The following ANKRD36C variants were observed in gnomAD, a reference collection of about 807,000 sequenced individuals.
ANKRD36C encodes the protein ankyrin repeat domain 36C.
In ANKRD36C, 61 loss-of-function variants were observed where a neutral mutation model predicts 276.4. That is an observed-to-expected ratio of 0.22 (90% CI 0.18 to 0.27). The LOEUF (loss-of-function observed/expected upper bound fraction) is 0.27, where lower values mean the gene tolerates loss of function less well. ANKRD36C is among the 10% of genes least tolerant of loss of function. ANKRD36C has a pLI of 1.00. For synonymous variants in ANKRD36C, 483 were observed against 680.1 expected (o/e 0.71, Z 4.51); for missense variants, 1,447 against 2,032.3 (o/e 0.71, Z 5.54).
chr2:95,873,696 G>A lies in ANKRD36C; in HGVS notation c.3540+2743C>T, dbSNP rs538897717. Among the ~76,000 whole-genome samples the A allele has an allele frequency of 6.6e-5, 10 of 152,336 alleles. No homozygotes were observed. In the East Asian group the frequency reaches 1.7e-3, roughly 26 times the overall value. On this transcript the variant is annotated intron_variant, in intron 59 of 66. Coordinates refer to ENST00000456556, the Ensembl canonical transcript of ANKRD36C. The stretch of plus-strand genomic sequence containing the variant: ...TGGCCAGGGCCATTAGGCAGGAGAA[G>A]GAAATAAAGGGTATTCAATTAGGAA...
chr2:95,868,383 C>T (rs975960867), intron 59 of ANKRD36C, among the ~76,000 whole-genome samples: 4 of 151,542 alleles, frequency 2.6e-5, no homozygotes, highest in South Asian at 2.1e-4. Flanking sequence ...GGCATATGTC[C>T]GATGTTTAAT....
At chr2:95,861,304 T>C (rs1675574124) in intron 60 of ANKRD36C, among the ~76,000 whole-genome samples, 1 of 150,982 alleles carries the variant, frequency 6.6e-6, no homozygotes, top group Non-Finnish European at 1.5e-5. Context: ...AAAGGAAAAA[T>C]TCCTAAATTT....
At chr2:95,986,469 A>T (rs1304638718) in intron 3 of ANKRD36C, among the ~76,000 whole-genome samples, 1 of 152,232 alleles carries the variant, frequency 6.6e-6, no homozygotes, top group Admixed American at 6.5e-5. Flanking sequence ...AAAACACTTA[A>T]CTATTACCTT....
chr2:95,883,551 A>G (rs919542323), intron 54 of ANKRD36C, among the ~76,000 whole-genome samples: 1 of 152,088 alleles, frequency 6.6e-6, no homozygotes, highest in Non-Finnish European at 1.5e-5. Flanking sequence ...GGTTTATCCC[A>G]ATTCTAGGAG....
rs973920667 is a variant in ANKRD36C at position 95,912,202 on chromosome 2, A to G, written c.2653+42T>C. The G allele has an allele frequency of 7.1e-6, 11 of 1,541,262 alleles. No homozygotes were observed. In the South Asian group the frequency reaches 7.2e-5, roughly 10 times the overall value. On this transcript the variant is annotated intron_variant, in intron 42 of 66. Coordinates refer to ENST00000456556, the Ensembl canonical transcript of ANKRD36C. ...ATTTATTCGGGGAAGAGAACTTCTT[A>G]TCTGGACTGCACATGACATTAAATG...
chr2:95,903,040 A>T lies in ANKRD36C; in HGVS notation c.2654-3704T>A. On this transcript the variant is annotated intron_variant, in intron 42 of 66. Coordinates refer to ENST00000456556, the Ensembl canonical transcript of ANKRD36C. Reference sequence around the variant, plus strand: ...CATTTACTAGTTCACAATATAAATGACAGTTTCATTACCTTCAAGCCTGGT... The same window carrying T: ...CATTTACTAGTTCACAATATAAATGTCAGTTTCATTACCTTCAAGCCTGGT... 2 of 1,570,762 alleles carry T rather than the reference A, an allele frequency of 1.3e-6. No individual in the cohort carries two copies. Among genetic ancestry groups the T allele is most frequent in the South Asian group, 1.2e-5 (1 of 86,902 alleles).
chr2:95,929,002 T>C, intron 26 of ANKRD36C, 70 bp downstream of exon 26: 1 of 1,587,278 alleles, frequency 6.3e-7, no homozygotes, highest in East Asian at 2.2e-5. Context: ...TCCCCACTGA[T>C]TTATTTGGGG....
Position 95,986,735 on chromosome 2 carries a change from A to G in ANKRD36C, c.486+16T>C, listed in dbSNP as rs758882315. The G allele has an allele frequency of 5.0e-6, 8 of 1,592,168 alleles. 1 individual carries two copies. The South Asian group carries it at 9.0e-5, about 18-fold the overall frequency. On this transcript the variant is annotated intron_variant, in intron 3 of 66. Coordinates refer to ENST00000456556, the Ensembl canonical transcript of ANKRD36C. ...GCATTTCAGATAGTTTGAAAATAACATTGGTTGACCTATACCTCGCTGCAT... is the reference window on the plus strand; with the variant it reads ...GCATTTCAGATAGTTTGAAAATAACGTTGGTTGACCTATACCTCGCTGCAT...
At chr2:95,980,924 TC>T (rs1324022819) in intron 4 of ANKRD36C, 139 bp from the exon 5 acceptor site, 1 of 1,304,682 alleles carries the variant, frequency 7.7e-7, no homozygotes, top group Non-Finnish European at 1.0e-6. Context: ...TCTTAGGTGC[TC>T]AAGGGTATAT....
intron 44 of ANKRD36C, 47 bp from the exon 65 acceptor site, chr2:95,891,907 A>G: frequency 6.5e-7 from 1 of 1,549,604 alleles, no homozygotes; most frequent in South Asian, 1.2e-5. Flanking sequence ...AAAAATGACA[A>G]AATTATCCAC....
chr2:95,872,435 G>A (rs1163100768), intron 59 of ANKRD36C, among the ~76,000 whole-genome samples: 1 of 151,572 alleles, frequency 6.6e-6, no homozygotes, highest in Admixed American at 6.6e-5. Flanking sequence ...ATAACGAAAT[G>A]AAGGCAGAAA....
At chr2:95,969,397 G>A (rs1409132247) in intron 6 of ANKRD36C, among the ~76,000 whole-genome samples, 1 of 152,092 alleles carries the variant, frequency 6.6e-6, no homozygotes, top group Non-Finnish European at 1.5e-5. Flanking sequence ...AGTTACCCAT[G>A]GTCAACCATG....
intron 17 of ANKRD36C, among the ~76,000 whole-genome samples, chr2:95,947,855 A>AT (rs1678095047): frequency 6.6e-6 from 1 of 152,152 alleles, no homozygotes; most frequent in African/African-American, 2.4e-5. Context: ...CTCTTGCTGT[A>AT]TTGCCAAGCT....
At chr2:95,890,358 C>A (rs1330005179) in intron 46 of ANKRD36C, among the ~76,000 whole-genome samples, 1 of 151,498 alleles carries the variant, frequency 6.6e-6, no homozygotes, top group African/African-American at 2.4e-5. Flanking sequence ...CAGGATCCCA[C>A]ATGTGTTTCA....
chr2:95,953,949 A>G, exon 14 of ANKRD36C: 1 of 1,535,778 alleles, frequency 6.5e-7, no homozygotes, highest in Non-Finnish European at 8.7e-7. Flanking sequence ...CTCAGATTCC[A>G]AAGCAAACTC....
intron 1 of ANKRD36C, among the ~76,000 whole-genome samples, chr2:95,990,530 C>T (rs1243031093): frequency 6.6e-6 from 1 of 152,108 alleles, no homozygotes; most frequent in Non-Finnish European, 1.5e-5. Context: ...TTTTTGACTC[C>T]ATTTCAAAAG....
intron 58 of ANKRD36C, among the ~76,000 whole-genome samples, chr2:95,878,408 T>C (rs1676002747): frequency 6.6e-6 from 1 of 152,186 alleles, no homozygotes; most frequent in African/African-American, 2.4e-5. Context: ...GACACTTTCA[T>C]GGAACTGTGA....
At chr2:95,863,454 A>C (rs1399041129) in intron 60 of ANKRD36C, among the ~76,000 whole-genome samples, 1 of 152,182 alleles carries the variant, frequency 6.6e-6, no homozygotes, top group Non-Finnish European at 1.5e-5. Flanking sequence ...CCCAAAAGAA[A>C]CAGAAAGAAG....
At chr2:95,934,534 C>A (rs1253446796) in intron 24 of ANKRD36C, among the ~76,000 whole-genome samples, 1 of 152,084 alleles carries the variant, frequency 6.6e-6, no homozygotes, top group African/African-American at 2.4e-5. Flanking sequence ...TTTTCTCACT[C>A]ATAAGTGGGA....
Sources: gnomAD v4.1 joint callset for allele counts (sites outside exome capture counted in the v4.1 genomes callset) on GRCh38, gnomAD v4.1.1 for gene constraint, MANE v1.5 for transcripts, NCBI Gene and HGNC (gene_info 2026-07-23, HGNC 2026-07-21) for gene names.